Variants in MGME1 observed in about 807,000 individuals in gnomAD.
The protein encoded by MGME1 is mitochondrial genome maintenance exonuclease 1.
Under a neutral mutation model 33.0 loss-of-function variants are expected in MGME1, and 22 were observed. That is an observed-to-expected ratio of 0.67 (90% confidence interval 0.48 to 0.95). The LOEUF (loss-of-function observed/expected upper bound fraction) is 0.95, where lower values mean the gene tolerates loss of function less well. MGME1 is among the 40% of genes least tolerant of loss of function. The pLI is 0.00. For missense variants in MGME1, 383 were observed against 397.8 expected (o/e 0.96, Z 0.32); for synonymous variants, 133 against 144.0 (o/e 0.92, Z 0.55).
Position 17,990,421 on chromosome 20 carries a change from G to GGC in MGME1, c.*313_*314insCG. 3.2e-6 allele frequency: 1 copy of GGC among 316,164 alleles called. No individual in the cohort carries two copies. Among genetic ancestry groups the GGC allele is most frequent in the Non-Finnish European group, 5.9e-6 (1 of 168,488 alleles). The allele number at this position is 316,164 out of a possible 1,614,324, so 19.6% of individuals were successfully genotyped here. A position where few individuals can be genotyped will look rare whatever the true frequency, so the allele number is the denominator to read the frequency against. ...CCCTTGAGGGACATTGGGGGGGGGG[G>GGC]GGCGTGGTCCCAGGCAGGATGCCCA... On this transcript the variant is annotated 3_prime_UTR_variant, in exon 5 of 5. Transcript: ENST00000377710.
chr20:17,970,435 A>G (rs1250816466), intron 2 of MGME1, 65 bp downstream of exon 2: 33 of 1,498,412 alleles, frequency 2.2e-5, no homozygotes, highest in Non-Finnish European at 2.8e-5. Context: ...CAACGGTGTC[A>G]AAAGAATGAG....
chr20:17,971,265 G>C (rs1392952945), intron 2 of MGME1, among the ~76,000 whole-genome samples: 1 of 152,188 alleles, frequency 6.6e-6, no homozygotes, highest in Non-Finnish European at 1.5e-5. Context: ...GTATATATAG[G>C]TGGTATTGGA....
intron 3 of MGME1, among the ~76,000 whole-genome samples, chr20:17,979,173 C>T (rs2122555507): frequency 1.3e-5 from 2 of 151,828 alleles, no homozygotes; most frequent in African/African-American, 4.8e-5. Flanking sequence ...ACCTCGCAGG[C>T]CCAAGCGATT....
At position 17,990,114 on chromosome 20, in the gene MGME1, C is replaced by T. The variant is rs1454078440; in HGVS notation, c.*5C>T. ...AAACCAGAATATTCAGAATAGGGAG[C>T]AAGTTGCTATTTGGGAACATTCAGC... is the stretch of plus-strand genomic sequence containing the variant. On this transcript the variant is annotated 3_prime_UTR_variant, in exon 5 of 5. Coordinates refer to ENST00000377710, the MANE Select transcript of MGME1 (RefSeq NM_052865.4). 1.2e-6 allele frequency: 2 copies of T among 1,613,222 alleles called. No homozygotes were observed. Among genetic ancestry groups the T allele is most frequent in the Admixed American group, 1.7e-5 (1 of 60,008 alleles).
chr20:17,983,609 C>T (rs2122589784), intron 3 of MGME1, among the ~76,000 whole-genome samples: 1 of 152,214 alleles, frequency 6.6e-6, no homozygotes, highest in African/African-American at 2.4e-5. Flanking sequence ...CCAACACTTA[C>T]CTTTTGTCTT....
intron 3 of MGME1, among the ~76,000 whole-genome samples, chr20:17,987,637 C>G (rs1490677907): frequency 6.6e-6 from 1 of 152,044 alleles, no homozygotes; most frequent in Non-Finnish European, 1.5e-5. Context: ...GCCAGTGCTG[C>G]TCTAGACTGA....
At chr20:17,980,166 C>T (rs892576350) in intron 3 of MGME1, among the ~76,000 whole-genome samples, 1 of 152,032 alleles carries the variant, frequency 6.6e-6, no homozygotes, top group African/African-American at 2.4e-5. Context: ...GCTGGGATTA[C>T]AGGCGCCTGC....
Position 17,975,869 on chromosome 20 carries a change from T to C in MGME1, c.697T>C (p.Tyr233His). 6.2e-7 allele frequency: 1 copy of C among 1,614,064 alleles called. No homozygotes were observed. Among genetic ancestry groups the C allele is most frequent in the Non-Finnish European group, 8.5e-7 (1 of 1,179,948 alleles). The change falls in exon 3 of 5, where the codon TAT (tyrosine) becomes CAT (histidine). Residue 233 changes from tyrosine to histidine, a missense_variant. Tyr to His is a moderately conservative substitution (Grantham distance 83, BLOSUM62 2). Coordinates refer to ENST00000377710, the MANE Select transcript of MGME1 (RefSeq NM_052865.4). ...ESAVQHETLN[Y>H]IGLLDCVAEY... ...TGCTGTTCAACATGAAACCTTAAAC[T>C]ATATAGGTCTGCTGGACTGTGTGGC...
intron 3 of MGME1, among the ~76,000 whole-genome samples, chr20:17,982,611 A>T (rs1370050934): frequency 6.6e-6 from 1 of 152,220 alleles, no homozygotes; most frequent in Non-Finnish European, 1.5e-5. Context: ...TACCAAGAAT[A>T]TGAGTGAATA....
intron 3 of MGME1, among the ~76,000 whole-genome samples, chr20:17,979,331 C>T (rs548951051): frequency 1.3e-5 from 2 of 151,842 alleles, no homozygotes; most frequent in African/African-American, 4.8e-5. Flanking sequence ...TGCCTGTCTC[C>T]GTCTCCCAAA....
At chr20:17,979,131 C>G (rs1042775861) in intron 3 of MGME1, among the ~76,000 whole-genome samples, 1 of 151,530 alleles carries the variant, frequency 6.6e-6, no homozygotes. Context: ...AGCTGGAGTG[C>G]GGTGGCATGA....
At position 17,989,946 on chromosome 20, in the gene MGME1, G is replaced by A; in HGVS notation, c.872G>A (p.Cys291Tyr). The A allele has an allele frequency of 6.2e-7, 1 of 1,613,712 alleles. No homozygotes were observed. The highest frequency in any genetic ancestry group is 8.5e-7 in the Non-Finnish European group (1 of 1,179,904). ...CCCTGTGTTTCTTCCTAGGTTCAAT[G>A]TGGCTTAATTGTGGTGGCCTACAAA... Reference protein sequence around the residue: ...HDTNYSFQVQCGLIVVAYKDG... With the variant: ...HDTNYSFQVQYGLIVVAYKDG... Residue 291 changes from cysteine to tyrosine, a missense_variant, in exon 5 of 5, where the codon TGT becomes TAT. Physicochemically the swap from Cys to Tyr is radical, Grantham distance 194 (BLOSUM62 -2). Coordinates refer to ENST00000377710, the MANE Select transcript of MGME1 (RefSeq NM_052865.4).
intron 2 of MGME1, among the ~76,000 whole-genome samples, chr20:17,973,868 G>T (rs1310329109): frequency 1.3e-5 from 2 of 152,110 alleles, no homozygotes; most frequent in Non-Finnish European, 2.9e-5. Flanking sequence ...AGCACTGCCT[G>T]GTGGGATAGG....
At chr20:17,980,484 AC>A (rs1463572863) in intron 3 of MGME1, among the ~76,000 whole-genome samples, 1 of 151,408 alleles carries the variant, frequency 6.6e-6, no homozygotes, top group African/African-American at 2.4e-5. Context: ...AAGATGATAT[AC>A]CCTGCTTTTT....
At chr20:17,986,253 G>C (rs895232678) in intron 3 of MGME1, among the ~76,000 whole-genome samples, 14 of 151,932 alleles carry the variant, frequency 9.2e-5, no homozygotes, top group African/African-American at 2.4e-4. Context: ...ATTTTTAGTA[G>C]AGACGAGGTT....
At chr20:17,974,068 T>TTTTG in intron 2 of MGME1, among the ~76,000 whole-genome samples, 2 of 141,352 alleles carry the variant, frequency 1.4e-5, no homozygotes, top group African/African-American at 5.6e-5. Flanking sequence ...TGTGTTTTTT[T>TTTTG]TTTTTTTTTT....
chr20:17,969,682 G>T (rs963022301), intron 1 of MGME1, 119 bp from the exon 2 acceptor site: 1 of 607,630 alleles, frequency 1.6e-6, no homozygotes, highest in Non-Finnish European at 2.7e-6. Flanking sequence ...GCAGGGTCTC[G>T]CTCTGTCGAC....
rs1219019131 is a variant in MGME1, at chr20:17,970,256, G to A, written c.397G>A (p.Val133Met). The change falls in exon 2 of 5, where the codon GTG (valine) becomes ATG (methionine). Residue 133 changes from valine to methionine, a missense_variant. Physicochemically the swap from Val to Met is conservative, Grantham distance 21. Transcript: ENST00000377710. Reference protein sequence around the residue: ...IPLQRNVIPSVTRVLQQTMTK... With the variant: ...IPLQRNVIPSMTRVLQQTMTK... ...CTTGCAAAGGAATGTGATACCAAGT[G>A]TGACCCGAGTCCTTCAGCAGACCAT... The A allele has an allele frequency of 6.2e-7, 1 of 1,614,228 alleles. No individual in the cohort carries two copies. Among genetic ancestry groups the A allele is most frequent in the Non-Finnish European group, 8.5e-7 (1 of 1,180,044 alleles).
At chr20:17,984,163 A>G (rs907472197) in intron 3 of MGME1, among the ~76,000 whole-genome samples, 1 of 152,182 alleles carries the variant, frequency 6.6e-6, no homozygotes, top group Non-Finnish European at 1.5e-5. Context: ...TTGACAAAAC[A>G]TTCCCCATTG....
Sources: gnomAD v4.1 joint callset for allele counts (sites outside exome capture counted in the v4.1 genomes callset) on GRCh38, gnomAD v4.1.1 for gene constraint, MANE v1.5 for transcripts, NCBI Gene and HGNC (gene_info 2026-07-23, HGNC 2026-07-21) for gene names.